FAM13C: variants seen among roughly 807,000 people sequenced by gnomAD.
The protein encoded by FAM13C is family with sequence similarity 13 member C.
Under a neutral mutation model 73.2 loss-of-function variants are expected in FAM13C, and 37 were observed. The observed-to-expected ratio is 0.51, with a 90% confidence interval of 0.39 to 0.67. The LOEUF is 0.67. Among genes scored for constraint, FAM13C ranks in the 30% least tolerant of loss-of-function variants. FAM13C has a pLI of 0.00. For synonymous variants in FAM13C, 246 were observed against 260.9 expected, an observed-to-expected ratio of 0.94 and a Z score of 0.55; for missense variants, 589 against 715.6, an observed-to-expected ratio of 0.82 and a Z score of 2.02.
chr10:59,255,627 C>T (rs1299402787), intron 10 of FAM13C, among the ~76,000 whole-genome samples: 1 of 152,138 alleles, frequency 6.6e-6, no homozygotes, highest in African/African-American at 2.4e-5. Context: ...ATCACCCAGG[C>T]ATCTTTTATC....
intron 3 of FAM13C, among the ~76,000 whole-genome samples, chr10:59,334,596 A>C (rs1327547730): frequency 1.3e-5 from 2 of 152,164 alleles, no homozygotes; most frequent in Non-Finnish European, 2.9e-5. Context: ...GGATGAGTTC[A>C]TGTCCTTTGT....
chr10:59,336,976 C>T (rs541651295), intron 3 of FAM13C, among the ~76,000 whole-genome samples: 1 of 152,334 alleles, frequency 6.6e-6, no homozygotes, highest in South Asian at 2.1e-4. Flanking sequence ...TCCACTATCA[C>T]TCATGTCTTC....
At chr10:59,338,328 C>A (rs926943907) in intron 3 of FAM13C, among the ~76,000 whole-genome samples, 1 of 152,116 alleles carries the variant, frequency 6.6e-6, no homozygotes, top group Non-Finnish European at 1.5e-5. Flanking sequence ...AACACCAGGG[C>A]TCATCTCTTT....
intron 5 of FAM13C, among the ~76,000 whole-genome samples, chr10:59,295,526 A>G (rs535461316): frequency 3.9e-4 from 60 of 152,284 alleles, no homozygotes; most frequent in African/African-American, 5.3e-4. Flanking sequence ...GACCTGAAGA[A>G]GCTGGGACGG....
chr10:59,342,360 TAAA>T (rs5785379), intron 3 of FAM13C, among the ~76,000 whole-genome samples: 1 of 148,766 alleles, frequency 6.7e-6, no homozygotes, highest in African/African-American at 2.5e-5. Flanking sequence ...AAGTTTGAAC[TAAA>T]AAAAAAAAAA....
At chr10:59,332,643 C>T (rs1339428670) in intron 3 of FAM13C, among the ~76,000 whole-genome samples, 1 of 152,112 alleles carries the variant, frequency 6.6e-6, no homozygotes, top group Non-Finnish European at 1.5e-5. Flanking sequence ...AAAATAGGTG[C>T]CTCTGTTCCT....
At chr10:59,329,341 G>GTTT (rs1851621743) in intron 3 of FAM13C, among the ~76,000 whole-genome samples, 1 of 72,438 alleles carries the variant, frequency 1.4e-5, no homozygotes, top group Non-Finnish European at 2.9e-5. Context: ...CTTTCTTTCT[G>GTTT]GTTTTTTTTT....
intron 13 of FAM13C, among the ~76,000 whole-genome samples, chr10:59,250,646 A>G (rs1841283583): frequency 6.6e-6 from 1 of 152,196 alleles, no homozygotes; most frequent in Non-Finnish European, 1.5e-5. Context: ...AACCTGCTGA[A>G]CTGAAAAGTC....
chr10:59,276,832 G>T (rs1302149383), intron 6 of FAM13C, among the ~76,000 whole-genome samples: 2 of 152,154 alleles, frequency 1.3e-5, no homozygotes, highest in Non-Finnish European at 2.9e-5. Context: ...AAAACTGAAT[G>T]ATGATTGGGC....
chr10:59,270,071 C>A lies in FAM13C; in HGVS notation c.631G>T (p.Asp211Tyr). The A allele has an allele frequency of 6.2e-7, 1 of 1,613,466 alleles. No homozygotes were observed. Residue 211 changes from aspartate to tyrosine, a missense_variant, in exon 7 of 14, where the codon GAC becomes TAC. Transcript: ENST00000618804. ...PVHKDGQNEA[D>Y]SAPEDLHSVG... ...GAGTGGAGGTCTTCTGGTGCACTGT[C>A]GGCCTCATTCTGCCCATCTTTGTGG...
intron 4 of FAM13C, among the ~76,000 whole-genome samples, chr10:59,320,860 G>T (rs140226153): frequency 0.01 from 1,569 of 152,274 alleles, 29 homozygotes; most frequent in African/African-American, 0.036. Flanking sequence ...GAAACCTTTA[G>T]GCTGAACTTA....
At chr10:59,321,502 T>C (rs1018430680) in intron 4 of FAM13C, among the ~76,000 whole-genome samples, 12 of 145,008 alleles carry the variant, frequency 8.3e-5, no homozygotes, top group African/African-American at 3.1e-4. Flanking sequence ...TACAGAACTA[T>C]GAGATAATAA....
intron 8 of FAM13C, 69 bp downstream of exon 8, chr10:59,268,484 G>C (rs1263402390): frequency 3.7e-5 from 58 of 1,583,350 alleles, no homozygotes; most frequent in Non-Finnish European, 5.0e-5. Flanking sequence ...AGAAAGGAAG[G>C]ACAGAGGCTG....
At chr10:59,281,635 C>A (rs1227536589) in intron 6 of FAM13C, among the ~76,000 whole-genome samples, 4 of 152,196 alleles carry the variant, frequency 2.6e-5, no homozygotes, top group Admixed American at 2.6e-4. Context: ...ATTGCTAGTT[C>A]CTCCGTGTGA....
chr10:59,327,338 TAAAGG>T (rs1350336940), intron 3 of FAM13C, among the ~76,000 whole-genome samples: 1 of 152,200 alleles, frequency 6.6e-6, no homozygotes, highest in Non-Finnish European at 1.5e-5. Context: ...CATAAAGTTA[TAAAGG>T]AAAGAGTACA....
chr10:59,277,410 G>A (rs1844441911), intron 6 of FAM13C, among the ~76,000 whole-genome samples: 1 of 152,128 alleles, frequency 6.6e-6, no homozygotes, highest in South Asian at 2.1e-4. Flanking sequence ...GCTGCTGTAA[G>A]AAATAATAGA....
intron 5 of FAM13C, among the ~76,000 whole-genome samples, chr10:59,284,019 G>T (rs533397211): frequency 6.8e-6 from 1 of 147,010 alleles, no homozygotes; most frequent in South Asian, 2.2e-4. Flanking sequence ...GTCCACATTG[G>T]TATGCTGGGG....
At chr10:59,291,612 C>T (rs927057869) in intron 5 of FAM13C, among the ~76,000 whole-genome samples, 2 of 151,946 alleles carry the variant, frequency 1.3e-5, no homozygotes, top group Admixed American at 1.3e-4. Flanking sequence ...ACAACCTAGC[C>T]ACAATATACA....
intron 6 of FAM13C, among the ~76,000 whole-genome samples, chr10:59,273,396 A>G (rs1356409262): frequency 6.6e-6 from 1 of 152,114 alleles, no homozygotes; most frequent in Admixed American, 6.5e-5. Context: ...CACCAACCTC[A>G]TTTGGAAACC....
Sources: gnomAD v4.1 joint callset for allele counts (sites outside exome capture counted in the v4.1 genomes callset) on GRCh38, gnomAD v4.1.1 for gene constraint, MANE v1.5 for transcripts, NCBI Gene and HGNC (gene_info 2026-07-23, HGNC 2026-07-21) for gene names.